LMO7: variants seen among roughly 807,000 people sequenced by gnomAD.
LMO7 encodes LIM domain only protein 7.
Under a neutral mutation model 206.5 loss-of-function variants are expected in LMO7, and 120 were observed. The ratio of observed to expected loss-of-function variants is 0.58; its 90% CI spans 0.50 to 0.68. The LOEUF is 0.68. Among genes scored for constraint, LMO7 ranks in the 30% least tolerant of loss-of-function variants. LMO7 has a pLI of 0.00. For missense variants in LMO7, 1,959 were observed against 1,957.9 expected, an observed-to-expected ratio of 1.00 and a Z score of -0.01; for synonymous variants, 706 against 681.5, an observed-to-expected ratio of 1.04 and a Z score of -0.56.
intron 6 of LMO7, 26 bp downstream of exon 6, chr13:75,796,775 TTAC>T (rs1215729419): frequency 7.6e-7 from 1 of 1,320,886 alleles, no homozygotes; most frequent in Non-Finnish European, 1.1e-6. Flanking sequence ...CTGTGTGAGA[TTAC>T]TGCTGTAATA....
At chr13:75,723,360 C>T (rs1341121897) in intron 2 of LMO7, among the ~76,000 whole-genome samples, 1 of 97,306 alleles carries the variant, frequency 1.0e-5, no homozygotes, top group Non-Finnish European at 2.0e-5. Context: ...GTGTGAATGA[C>T]TAATAAATCA....
chr13:75,744,212 A>G (rs1229400152), intron 3 of LMO7, among the ~76,000 whole-genome samples: 1 of 152,224 alleles, frequency 6.6e-6, no homozygotes, highest in Non-Finnish European at 1.5e-5. Flanking sequence ...AAGAAAACTT[A>G]ACAATTTGGG....
In LMO7 at chr13:75,807,507, A is replaced by C. The variant is rs1316007496; in HGVS notation, c.1224A>C (p.Gln408His). Residue 408 changes from glutamine to histidine, a missense_variant, in exon 10 of 31, where the codon CAA becomes CAC. By Grantham distance (24) the Gln-to-His change is conservative (BLOSUM62 0). Transcript: ENST00000377534. ...FSQFLLLQAL[Q>H]TYSDDILSSE... ...AGTTTTTACTGCTTCAGGCCCTCCA[A>C]ACATACTCTGATGACATCTTGTCTT... is the stretch of plus-strand genomic sequence containing the variant. The C allele has an allele frequency of 1.2e-6, 2 of 1,613,522 alleles. No individual in the cohort carries two copies. Among genetic ancestry groups the C allele is most frequent in the South Asian group, 1.1e-5 (1 of 91,074 alleles).
intron 1 of LMO7, among the ~76,000 whole-genome samples, chr13:75,664,823 C>T (rs924913660): frequency 3.3e-5 from 5 of 152,180 alleles, no homozygotes; most frequent in Admixed American, 6.5e-5. Context: ...TCTTCAGTTG[C>T]ACCTTAATAT....
chr13:75,766,052 A>G (rs2048827613), intron 4 of LMO7, among the ~76,000 whole-genome samples: 1 of 152,142 alleles, frequency 6.6e-6, no homozygotes, highest in Non-Finnish European at 1.5e-5. Context: ...GGGAGAATGA[A>G]AGTTGTTTTG....
chr13:75,802,714 G>A (rs2054916848), intron 7 of LMO7, among the ~76,000 whole-genome samples: 3 of 152,118 alleles, frequency 2.0e-5, no homozygotes, highest in Admixed American at 2.0e-4. Context: ...GTGAAGTCTT[G>A]GAAATTACAA....
Position 75,817,258 on chromosome 13 carries a change from C to G in LMO7, c.2044C>G (p.Gln682Glu), listed in dbSNP as rs1478157741. ...MQKIKSQLKEQDQKWQDDLAK... is the reference protein window; with the variant it reads ...MQKIKSQLKEEDQKWQDDLAK... ...GAAAATAAAATCACAATTAAAAGAACAAGATCAGAAATGGCAGGATGTGAG... is the reference window on the plus strand; with the variant it reads ...GAAAATAAAATCACAATTAAAAGAAGAAGATCAGAAATGGCAGGATGTGAG... Residue 682 changes from glutamine (Q) to glutamate (E), a missense_variant, in exon 12 of 31, where the codon CAA (glutamine) becomes GAA (glutamate). Physicochemically the swap from Gln to Glu is conservative, Grantham distance 29. Coordinates refer to ENST00000377534, the MANE Select transcript of LMO7 (RefSeq NM_001306080.2). 6.2e-7 allele frequency: 1 copy of G among 1,610,716 alleles called. No homozygotes were observed. The highest frequency in any genetic ancestry group is 1.3e-5 in the African/African-American group (1 of 74,968).
intron 26 of LMO7, among the ~76,000 whole-genome samples, chr13:75,845,827 T>C (rs1184509224): frequency 6.6e-6 from 1 of 152,186 alleles, no homozygotes; most frequent in Non-Finnish European, 1.5e-5. Context: ...GGACTTGACA[T>C]TGTCAGTATA....
intron 1 of LMO7, among the ~76,000 whole-genome samples, chr13:75,692,206 C>T (rs574290476): frequency 6.6e-6 from 1 of 152,228 alleles, no homozygotes; most frequent in East Asian, 1.9e-4. Flanking sequence ...CTAACTGTTA[C>T]CATTTTGCTC....
chr13:75,779,285 TG>T (rs2050962781), intron 4 of LMO7, among the ~76,000 whole-genome samples: 1 of 152,132 alleles, frequency 6.6e-6, no homozygotes, highest in Non-Finnish European at 1.5e-5. Flanking sequence ...AGAAGTTTCC[TG>T]GGAAGTATTA....
intron 12 of LMO7, 39 bp downstream of exon 12, chr13:75,817,317 G>A (rs992602880): frequency 7.5e-7 from 1 of 1,328,672 alleles, no homozygotes; most frequent in Non-Finnish European, 1.1e-6. Context: ...GAGTGTATTT[G>A]TCTAACTTTT....
At chr13:75,800,608 A>T in intron 6 of LMO7, 76 bp from the exon 7 acceptor site, 2 of 1,358,812 alleles carry the variant, frequency 1.5e-6, no homozygotes, top group South Asian at 2.5e-5. Context: ...TAGGCAAACA[A>T]GCAAGTAATA....
chr13:75,708,403 C>T (rs1178586128), intron 1 of LMO7, among the ~76,000 whole-genome samples: 2 of 152,196 alleles, frequency 1.3e-5, no homozygotes, highest in African/African-American at 4.8e-5. Flanking sequence ...CCGGTGTCTG[C>T]AGGACACAGC....
At chr13:75,838,881 A>C (rs1413197989) in intron 20 of LMO7, among the ~76,000 whole-genome samples, 1 of 152,176 alleles carries the variant, frequency 6.6e-6, no homozygotes, top group Non-Finnish European at 1.5e-5. Context: ...ATGCCGTTCA[A>C]GCTCTGTTTT....
intron 8 of LMO7, chr13:75,804,894 C>A: frequency 9.8e-7 from 1 of 1,022,402 alleles, no homozygotes; most frequent in African/African-American, 1.7e-5. Flanking sequence ...TTTAATTTCT[C>A]AGCAAATTAG....
rs1458811937 is a variant in LMO7 at position 75,669,652 on chromosome 13, T to C, written c.69+32926T>C. Among the ~76,000 whole-genome samples, 4 of 152,200 alleles carry C rather than the reference T, an allele frequency of 2.6e-5. No homozygotes were observed. The East Asian group carries it at 5.8e-4, about 22-fold the overall frequency. On this transcript the variant is annotated intron_variant, in intron 1 of 30. Transcript: ENST00000377534. ...CTTGATATACTATACCCTTTGTGCT[T>C]ATGTACTGAGTTGTTTTAGTTGGTG...
chr13:75,717,785 C>T (rs1334666151), intron 2 of LMO7, among the ~76,000 whole-genome samples: 1 of 152,176 alleles, frequency 6.6e-6, no homozygotes, highest in Non-Finnish European at 1.5e-5. Context: ...CCATGCAGTG[C>T]TCCATGGGAA....
chr13:75,850,654 C>T (rs1346436746), intron 27 of LMO7, among the ~76,000 whole-genome samples: 1 of 152,140 alleles, frequency 6.6e-6, no homozygotes, highest in African/African-American at 2.4e-5. Context: ...TCTCACAGTC[C>T]TGAAGATTGA....
chr13:75,633,840 C>CTTTT (rs1566256517), upstream of LMO7, among the ~76,000 whole-genome samples: 1 of 111,274 alleles, frequency 9.0e-6, no homozygotes. Context: ...CGTGTCTTTT[C>CTTTT]CTTTTTTTTT....
Sources: gnomAD v4.1 joint callset for allele counts (sites outside exome capture counted in the v4.1 genomes callset) on GRCh38, gnomAD v4.1.1 for gene constraint, MANE v1.5 for transcripts, NCBI Gene and HGNC (gene_info 2026-07-23, HGNC 2026-07-21) for gene names.